Variants in ASIC2 observed in about 807,000 individuals in gnomAD.
ASIC2 encodes acid sensing ion channel subunit 2.
A neutral mutation model predicts 57.3 loss-of-function variants in ASIC2; 25 were observed. The ratio of observed to expected loss-of-function variants is 0.44; its 90% CI spans 0.32 to 0.61. The LOEUF is 0.61. Ranked by LOEUF, ASIC2 falls within the 20% of genes least tolerant of loss-of-function variation. The pLI is 0.06. For synonymous variants in ASIC2, 319 were observed against 307.5 expected (o/e 1.04, Z -0.39); for missense variants, 641 against 738.1 (o/e 0.87, Z 1.52).
At chr17:34,130,211 G>A (rs1040135211) in intron 1 of ASIC2, among the ~76,000 whole-genome samples, 1 of 152,090 alleles carries the variant, frequency 6.6e-6, no homozygotes, top group African/African-American at 2.4e-5. Context: ...GATCATTAGA[G>A]GCAGTCACTG....
intron 1 of ASIC2, among the ~76,000 whole-genome samples, chr17:33,840,103 G>A (rs1335272990): frequency 6.6e-6 from 1 of 152,206 alleles, no homozygotes; most frequent in Non-Finnish European, 1.5e-5. Context: ...TTTATTTGGT[G>A]TGGTTTTCCT....
At position 33,698,336 on chromosome 17, in the gene ASIC2, C is replaced by T. The variant is rs146436222; in HGVS notation, c.555+457642G>A. On this transcript the variant is annotated intron_variant, in intron 1 of 9. Coordinates refer to the ASIC2 transcript ENST00000359872. ...TTCATCTGCACAATGGGGAGAAAAG[C>T]AGCATCTACTTCATCGTGTTGTCAT... Among the ~76,000 whole-genome samples the T allele has an allele frequency of 4.1e-3, 618 of 152,272 alleles. 3 individuals are homozygous for T. Among genetic ancestry groups the T allele is most frequent in the African/African-American group, 0.014 (590 of 41,548 alleles).
At chr17:33,470,372 G>T (rs772514055) in intron 1 of ASIC2, among the ~76,000 whole-genome samples, 1 of 152,208 alleles carries the variant, frequency 6.6e-6, no homozygotes, top group African/African-American at 2.4e-5. Flanking sequence ...CTGCATGCTT[G>T]CATAGTGATA....
chr17:33,103,628 T>C (rs11651838), intron 2 of ASIC2, among the ~76,000 whole-genome samples: 9,376 of 152,218 alleles, frequency 0.062, 383 homozygotes, highest in South Asian at 0.081. Flanking sequence ...ACTAGGCCTT[T>C]TAAGGCTTCC....
intron 2 of ASIC2, 128 bp from the exon 3 acceptor site, chr17:33,089,118 G>A (rs956189174): frequency 2.4e-6 from 3 of 1,256,124 alleles, no homozygotes; most frequent in Non-Finnish European, 3.2e-6. Context: ...CCCCAAAGGT[G>A]TCCACATCCC....
At chr17:33,019,939 C>T (rs1233798159) in intron 7 of ASIC2, among the ~76,000 whole-genome samples, 2 of 152,076 alleles carry the variant, frequency 1.3e-5, no homozygotes, top group East Asian at 3.9e-4. Context: ...AGGAAGAGGC[C>T]TGTCCTGGGT....
intron 1 of ASIC2, among the ~76,000 whole-genome samples, chr17:34,043,470 T>C (rs1405957555): frequency 6.6e-6 from 1 of 152,090 alleles, no homozygotes; most frequent in Non-Finnish European, 1.5e-5. Flanking sequence ...CTAGGCACTT[T>C]TGGTTTGACA....
At chr17:33,112,204 A>G in intron 1 of ASIC2, 137 bp from the exon 2 acceptor site, 1 of 1,176,082 alleles carries the variant, frequency 8.5e-7, no homozygotes, top group Non-Finnish European at 1.2e-6. Context: ...CTCAGGAACC[A>G]GTGGTTTTTC....
At chr17:33,101,824 C>T (rs1317208957) in intron 2 of ASIC2, among the ~76,000 whole-genome samples, 1 of 152,146 alleles carries the variant, frequency 6.6e-6, no homozygotes, top group Non-Finnish European at 1.5e-5. Flanking sequence ...TGATCTCTCT[C>T]TTGCGAAATA....
intron 1 of ASIC2, among the ~76,000 whole-genome samples, chr17:33,196,536 C>A (rs1468258028): frequency 6.6e-6 from 1 of 152,156 alleles, no homozygotes; most frequent in Non-Finnish European, 1.5e-5. Flanking sequence ...AATGGCCTGT[C>A]CTGGTGGAAG....
At chr17:33,379,568 ACACCTTTTGCCTCCCTCTCG>A (rs1187389883) in intron 1 of ASIC2, among the ~76,000 whole-genome samples, 1 of 152,150 alleles carries the variant, frequency 6.6e-6, no homozygotes, top group Non-Finnish European at 1.5e-5. Context: ...CCTCACACTC[ACACCTTTTGCCTCCCTCTCG>A]CACCTTGTGC....
intron 1 of ASIC2, among the ~76,000 whole-genome samples, chr17:33,687,716 T>C (rs1362399314): frequency 4.6e-5 from 7 of 152,178 alleles, no homozygotes; most frequent in Admixed American, 2.6e-4. Flanking sequence ...TAATTATTCA[T>C]TGGATGTAGT....
At chr17:33,162,337 C>T (rs965537144) in intron 1 of ASIC2, among the ~76,000 whole-genome samples, 3 of 152,026 alleles carry the variant, frequency 2.0e-5, no homozygotes, top group Non-Finnish European at 4.4e-5. Context: ...GCGTTTTGGG[C>T]CAAAAAGCAT....
rs571406269 is a variant in ASIC2 at position 33,579,146 on chromosome 17, C to A, written c.556-467079G>T. On this transcript the variant is annotated intron_variant, in intron 1 of 9. Transcript: ENST00000359872. Reference sequence around the variant, plus strand: ...CTAAAAATATAAAACAGTAGCCAGGCATGATGGTGGGCGCCTGTAATCCCA... The same window carrying A: ...CTAAAAATATAAAACAGTAGCCAGGAATGATGGTGGGCGCCTGTAATCCCA... Among the ~76,000 whole-genome samples the A allele has an allele frequency of 2.6e-5, 4 of 151,954 alleles. No homozygotes were observed. In the East Asian group the frequency reaches 7.7e-4, roughly 29 times the overall value.
chr17:33,508,359 T>TCTACAGGAC (rs1347304264), intron 1 of ASIC2, among the ~76,000 whole-genome samples: 1 of 152,180 alleles, frequency 6.6e-6, no homozygotes, highest in Non-Finnish European at 1.5e-5. Context: ...CGGTCAAGTG[T>TCTACAGGAC]ACTAACAGGA....
chr17:33,404,848 A>G (rs1910411765), intron 1 of ASIC2, among the ~76,000 whole-genome samples: 1 of 152,206 alleles, frequency 6.6e-6, no homozygotes, highest in South Asian at 2.1e-4. Flanking sequence ...CTATTATATT[A>G]CCCATTATAT....
intron 1 of ASIC2, among the ~76,000 whole-genome samples, chr17:33,865,836 A>C (rs1914224130): frequency 6.6e-6 from 1 of 151,604 alleles, no homozygotes; most frequent in Admixed American, 6.6e-5. Flanking sequence ...AGATAATGGA[A>C]CCAACATGGA....
intron 1 of ASIC2, among the ~76,000 whole-genome samples, chr17:33,617,802 C>T (rs896136430): frequency 1.3e-5 from 2 of 152,108 alleles, no homozygotes; most frequent in African/African-American, 4.8e-5. Flanking sequence ...CTGGGAAAGC[C>T]ATTTAGTTTT....
At chr17:33,917,890 GCACA>G (rs71364627) in intron 1 of ASIC2, among the ~76,000 whole-genome samples, 70 of 132,560 alleles carry the variant, frequency 5.3e-4, no homozygotes, top group East Asian at 1.5e-3. Context: ...ACGTGCATGT[GCACA>G]CACACACACA....
Sources: allele counts gnomAD v4.1 joint callset (sites outside exome capture counted in the v4.1 genomes callset), GRCh38; gene constraint gnomAD v4.1.1; transcripts MANE v1.5; gene names NCBI Gene and HGNC (gene_info 2026-07-23, HGNC 2026-07-21).